Variants in ACADVL observed in about 807,000 individuals in gnomAD.
ACADVL encodes the protein acyl-CoA dehydrogenase very long chain.
Under a neutral mutation model 80.4 loss-of-function variants are expected in ACADVL, and 73 were observed. The observed-to-expected ratio is 0.91, with a 90% confidence interval of 0.75 to 1.10. The LOEUF is 1.10. Ranked by LOEUF, ACADVL falls within the 50% of genes least tolerant of loss-of-function variation. The pLI is 0.00. For missense variants in ACADVL, 878 were observed against 858.9 expected, an observed-to-expected ratio of 1.02 and a Z score of -0.28; for synonymous variants, 392 against 326.5, an observed-to-expected ratio of 1.20 and a Z score of -2.16.
At position 7,220,845 on chromosome 17, in the gene ACADVL, G is replaced by A. The variant is rs777751102; in HGVS notation, c.342+15G>A. 80 of 1,613,976 alleles carry A rather than the reference G, an allele frequency of 5.0e-5. No homozygotes were observed. In the Admixed American group the frequency reaches 1.2e-3, roughly 24 times the overall value. ...GTTTCTTCGAGGTAAGGAATGACTC[G>A]GGGCTTGGTCCCTGGTGAGGTGTTT... is the stretch of plus-strand genomic sequence containing the variant. On this transcript the variant is annotated intron_variant, in intron 5 of 19. Transcript: ENST00000356839.
In ACADVL at chr17:7,222,732, T is replaced by C; in HGVS notation, c.944T>C (p.Val315Ala). ...ACAGCAGAGGTGTTCTTTGATGGAG[T>C]ACGGGTGCCATCGGAGAACGTGCTG... The part of the protein sequence containing the change: ...SNTAEVFFDG[V>A]RVPSENVLGE... Residue 315 changes from valine to alanine, a missense_variant, in exon 10 of 20, where the codon GTA becomes GCA. Transcript: ENST00000356839. 1 of 1,613,850 alleles carries C rather than the reference T, an allele frequency of 6.2e-7. No individual in the cohort carries two copies. Among genetic ancestry groups the C allele is most frequent in the Non-Finnish European group, 8.5e-7 (1 of 1,179,920 alleles).
At position 7,220,471 on chromosome 17, in the gene ACADVL, T is replaced by C; in HGVS notation, c.146T>C (p.Leu49Pro). ...AACCGTCTCTTTTCCCAGCTGGCTC[T>C]GGACAAGTCAGATTCCCACCCCTCT... ...PYAGGAAQLA[L>P]DKSDSHPSDA... The change falls in exon 3 of 20, where the codon CTG (leucine) becomes CCG (proline). Residue 49 changes from leucine (L) to proline (P), a missense_variant. By Grantham distance (98) the Leu-to-Pro change is moderately conservative. Coordinates refer to ENST00000356839, the MANE Select transcript of ACADVL (RefSeq NM_000018.4). 6.2e-7 allele frequency: 1 copy of C among 1,614,204 alleles called. No individual in the cohort carries two copies. The highest frequency in any genetic ancestry group is 8.5e-7 in the Non-Finnish European group (1 of 1,180,034).
chr17:7,220,028 T>C lies in ACADVL; in HGVS notation c.44T>C (p.Leu15Pro). 1 of 1,605,396 alleles carries C rather than the reference T, an allele frequency of 6.2e-7. No individual in the cohort carries two copies. The highest frequency in any genetic ancestry group is 8.5e-7 in the Non-Finnish European group (1 of 1,178,960). The change falls in exon 1 of 20, where the codon CTG (leucine) becomes CCG (proline). Residue 15 changes from leucine to proline, a missense_variant. By Grantham distance (98) the Leu-to-Pro change is moderately conservative. Transcript: ENST00000356839. ...GCCGCGAGCTTGGGGCGGCAGCTGC[T>C]GAGGCTCGGGGGCGGAAGGTCTGTG... ...RMAASLGRQL[L>P]RLGGGSSRLT...
At position 7,224,839 on chromosome 17, in the gene ACADVL, CA is replaced by C; in HGVS notation, c.1783del (p.Thr595ArgfsTer85). 6.2e-7 allele frequency: 1 copy of C among 1,614,062 alleles called. No homozygotes were observed. Among genetic ancestry groups the C allele is most frequent in the Non-Finnish European group, 8.5e-7 (1 of 1,180,014 alleles). ...CAAGATCCCTGAGTGAGGGCCACCC[CA>C]CGGCCCAGCATGAGAAAATGCTCTG... is the stretch of plus-strand genomic sequence containing the variant. ...ASRSLSEGHP[T>X]AQHEKMLCDT... On this transcript the variant is annotated frameshift_variant, in exon 19 of 20. Coordinates refer to ENST00000356839, the MANE Select transcript of ACADVL (RefSeq NM_000018.4). LOFTEE classifies it high-confidence loss of function.
chr17:7,219,877 C>G (rs1247253915), upstream of ACADVL: 7 of 1,541,058 alleles, frequency 4.5e-6, no homozygotes, highest in Middle Eastern at 3.3e-4. Context: ...GTCCGCCGCC[C>G]GGTGCACTGT....
intron 11 of ACADVL, 39 bp from the exon 12 acceptor site, chr17:7,223,605 T>G (rs1407692209): frequency 6.2e-7 from 1 of 1,609,880 alleles, no homozygotes. Flanking sequence ...CAAAGCCCTT[T>G]GCAATTTTCC....
At chr17:7,221,909 A>G (rs755296044) in intron 7 of ACADVL, 43 bp from the exon 8 acceptor site, 17 of 1,613,654 alleles carry the variant, frequency 1.1e-5, no homozygotes, top group Non-Finnish European at 1.4e-5. Context: ...GGGGACTTTG[A>G]AGCTCATCAG....
chr17:7,224,168 G>T lies in ACADVL; in HGVS notation c.1457G>T (p.Gly486Val), dbSNP rs773274279. Reference sequence around the variant, plus strand: ...TAGGACAAAGGAAAGGAGCTCTCTGGGCTTGGCAGTGCTCTAAAGAATCCC... The same window carrying T: ...TAGGACAAAGGAAAGGAGCTCTCTGTGCTTGGCAGTGCTCTAAAGAATCCC... Reference protein sequence around the residue: ...GCMDKGKELSGLGSALKNPFG... With the variant: ...GCMDKGKELSVLGSALKNPFG... Residue 486 changes from glycine (G) to valine (V), a missense_variant, in exon 15 of 20, where the codon GGG (glycine) becomes GTG (valine). Transcript: ENST00000356839. The T allele has an allele frequency of 5.6e-6, 9 of 1,614,138 alleles. No homozygotes were observed. Among genetic ancestry groups the T allele is most frequent in the Non-Finnish European group, 7.6e-6 (9 of 1,180,026 alleles).
chr17:7,224,930 G>A (rs1567569721), intron 19 of ACADVL, 27 bp from the exon 20 acceptor site: 1 of 1,614,044 alleles, frequency 6.2e-7, no homozygotes, highest in Non-Finnish European at 8.5e-7. Flanking sequence ...GGAGGTGCAG[G>A]CCCAACCCCT....
chr17:7,224,049 G>C lies in ACADVL; in HGVS notation c.1414G>C (p.Val472Leu). The C allele has an allele frequency of 6.2e-7, 1 of 1,614,190 alleles. No homozygotes were observed. Among genetic ancestry groups the C allele is most frequent in the South Asian group, 1.1e-5 (1 of 91,084 alleles). Residue 472 changes from valine to leucine, a missense_variant, in exon 14 of 20, where the codon GTG (valine) becomes CTG (leucine). By Grantham distance (32) the Val-to-Leu change is conservative. Transcript: ENST00000356839. ...EGTNDILRLF[V>L]ALQGCMDKGK... ...GACAAATGACATTCTTCGGCTGTTT[G>C]TGGCTCTGCAGGGCTGTATGGTAAG...
chr17:7,224,270 G>A, intron 15 of ACADVL, 27 bp downstream of exon 15: 3 of 1,613,552 alleles, frequency 1.9e-6, no homozygotes, highest in Non-Finnish European at 2.5e-6. Context: ...AGCCAGGGGA[G>A]GGCAGGGTGG....
chr17:7,221,434 AG>A (rs1184230081), intron 6 of ACADVL, 103 bp from the exon 7 acceptor site: 13 of 199,718 alleles, frequency 6.5e-5, no homozygotes, highest in Middle Eastern at 3.2e-3. Flanking sequence ...GCCCTAGGTC[AG>A]GAACTGCCCT....
chr17:7,218,805 C>A, upstream of ACADVL: 3 of 1,613,588 alleles, frequency 1.9e-6, no homozygotes, highest in Non-Finnish European at 2.5e-6. Flanking sequence ...CCAGACCTCC[C>A]CTCCACAAGG....
rs1396643112 is a variant in ACADVL at position 7,222,942 on chromosome 17, T to C, written c.1077+77T>C. ...CCCCTTGCCATGTGTCCCTGATCAC[T>C]TGCAGGCACTCCCTACACTAGAAAC... On this transcript the variant is annotated intron_variant, in intron 10 of 19. Transcript: ENST00000356839. 7.1e-6 allele frequency: 11 copies of C among 1,553,958 alleles called. No individual in the cohort carries two copies. In the South Asian group the frequency reaches 1.0e-4, roughly 14 times the overall value.
intron 6 of ACADVL, 21 bp from the exon 7 acceptor site, chr17:7,221,517 A>C (rs997676601): frequency 1.7e-5 from 26 of 1,575,430 alleles, no homozygotes; most frequent in East Asian, 2.2e-5. Context: ...TGACAACCCC[A>C]GATTCCTGCT....
At chr17:7,219,606 C>A, upstream of ACADVL, 2 of 1,177,176 alleles carry the variant, frequency 1.7e-6, no homozygotes. Context: ...CTTCTCTTTC[C>A]CTACTTTTCC....
chr17:7,218,767 C>A, upstream of ACADVL: 1 of 1,602,658 alleles, frequency 6.2e-7, no homozygotes, highest in Non-Finnish European at 8.5e-7. Context: ...GGAGAAGGAT[C>A]TCCGAGCCCC....
chr17:7,220,329 A>G (rs2071134067), intron 2 of ACADVL, 132 bp downstream of exon 2: 1 of 1,531,154 alleles, frequency 6.5e-7, no homozygotes, highest in Non-Finnish European at 8.9e-7. Flanking sequence ...GGGAAAGGGC[A>G]AGCCAGGGTG....
rs746009227 is a variant in ACADVL, at chr17:7,220,755, A to C, written c.278-11A>C. ...GCCTGGCCTGACCAGCCTGTCCCCC[A>C]CCCTCTGCAGTGCTCAACGAAGAGC... On this transcript the variant is annotated splice_polypyrimidine_tract_variant and intron_variant, in intron 4 of 19. Coordinates refer to ENST00000356839, the MANE Select transcript of ACADVL (RefSeq NM_000018.4). 3.7e-6 allele frequency: 6 copies of C among 1,614,002 alleles called. No individual in the cohort carries two copies. The South Asian group carries it at 6.6e-5, about 18-fold the overall frequency.
Sources: gnomAD v4.1 joint callset for allele counts on GRCh38, gnomAD v4.1.1 for gene constraint, MANE v1.5 for transcripts, NCBI Gene and HGNC (gene_info 2026-07-23, HGNC 2026-07-21) for gene names.